ZNF366: variants seen among roughly 807,000 people sequenced by gnomAD.
ZNF366 encodes zinc finger protein 366.
A neutral mutation model predicts 47.2 loss-of-function variants in ZNF366; 20 were observed. The observed-to-expected ratio is 0.42, with a 90% CI of 0.30 to 0.62. ZNF366 has a LOEUF of 0.62. Among genes scored for constraint, ZNF366 ranks in the 20% least tolerant of loss-of-function variants. The pLI, the probability that ZNF366 is intolerant of heterozygous loss-of-function variation, is 0.16. For missense variants in ZNF366, 987 were observed against 976.3 expected (o/e 1.01, Z -0.15); for synonymous variants, 421 against 395.1 (o/e 1.07, Z -0.78).
intron 3 of ZNF366, among the ~76,000 whole-genome samples, chr5:72,450,362 G>C (rs933294083): frequency 6.6e-6 from 1 of 152,126 alleles, no homozygotes; most frequent in Non-Finnish European, 1.5e-5. Context: ...AGGGGTGAGC[G>C]CCTGGTAAAA....
chr5:72,471,702 C>T (rs1743568993), intron 1 of ZNF366, among the ~76,000 whole-genome samples: 1 of 152,210 alleles, frequency 6.6e-6, no homozygotes. Flanking sequence ...GCTATTCAAA[C>T]ACTTGCATTA....
At chr5:72,481,523 C>T (rs1272566703) in intron 1 of ZNF366, among the ~76,000 whole-genome samples, 1 of 152,112 alleles carries the variant, frequency 6.6e-6, no homozygotes, top group African/African-American at 2.4e-5. Flanking sequence ...CTATCATTTC[C>T]TTAGATTAGA....
At chr5:72,456,196 G>A (rs1303178980) in intron 3 of ZNF366, among the ~76,000 whole-genome samples, 3 of 152,166 alleles carry the variant, frequency 2.0e-5, no homozygotes, top group Non-Finnish European at 2.9e-5. Context: ...GACAAATAGG[G>A]CAGGCTCCTT....
At position 72,461,147 on chromosome 5, in the gene ZNF366, G is replaced by C. The variant is rs145676992; in HGVS notation, c.350C>G (p.Pro117Arg). 8.7e-6 allele frequency: 14 copies of C among 1,614,044 alleles called. No individual in the cohort carries two copies. The East Asian group carries it at 2.9e-4, about 33-fold the overall frequency. The change falls in exon 2 of 5, where the codon CCG becomes CGG. Residue 117 changes from proline to arginine, a missense_variant. Physicochemically the swap from Pro to Arg is moderately radical, Grantham distance 103. Transcript: ENST00000318442. Reference protein sequence around the residue: ...HGLPNLPLLFPQPPRPKYDSQ... With the variant: ...HGLPNLPLLFRQPPRPKYDSQ... Reference sequence around the variant, plus strand: ...GTCATACTTGGGGCGCGGGGGCTGCGGGAACAGCAAAGGGAGGTTGGGAAG... The same window carrying C: ...GTCATACTTGGGGCGCGGGGGCTGCCGGAACAGCAAAGGGAGGTTGGGAAG...
chr5:72,487,262 CA>C (rs1270169673), intron 1 of ZNF366, among the ~76,000 whole-genome samples: 1 of 152,172 alleles, frequency 6.6e-6, no homozygotes, highest in Non-Finnish European at 1.5e-5. Flanking sequence ...AAGAGTTTTG[CA>C]ACTTTACACC....
At position 72,456,474 on chromosome 5, in the gene ZNF366, C is replaced by T; in HGVS notation, c.1454G>A (p.Ser485Asn). 4 of 1,613,948 alleles carry T rather than the reference C, an allele frequency of 2.5e-6. No individual in the cohort carries two copies. Among genetic ancestry groups the T allele is most frequent in the Non-Finnish European group, 2.5e-6 (3 of 1,179,842 alleles). ...RAYQCHLCYK[S>N]FVQKQTLKAH... ...CTTGAGGGTCTGCTTCTGCACGAAG[C>T]TCTTGTAGCAGAGGTGACACTGGTA... The change falls in exon 3 of 5, where the codon AGC (serine) becomes AAC (asparagine). Residue 485 changes from serine to asparagine, a missense_variant. Ser to Asn is a conservative substitution (Grantham distance 46, BLOSUM62 1). Coordinates refer to ENST00000318442, the MANE Select transcript of ZNF366 (RefSeq NM_152625.3).
At chr5:72,497,444 T>C (rs533691460) in intron 1 of ZNF366, among the ~76,000 whole-genome samples, 1 of 152,284 alleles carries the variant, frequency 6.6e-6, no homozygotes, top group Non-Finnish European at 1.5e-5. Flanking sequence ...GAACATATAC[T>C]GAGAGTCCAT....
intron 1 of ZNF366, among the ~76,000 whole-genome samples, chr5:72,506,068 T>C (rs1239689378): frequency 6.6e-6 from 1 of 152,266 alleles, no homozygotes; most frequent in Non-Finnish European, 1.5e-5. Flanking sequence ...GATTAATTAC[T>C]TGAATGTGGT....
At chr5:72,497,394 A>G (rs974964787) in intron 1 of ZNF366, among the ~76,000 whole-genome samples, 1 of 152,174 alleles carries the variant, frequency 6.6e-6, no homozygotes, top group Non-Finnish European at 1.5e-5. Context: ...TTTGTTTAAA[A>G]GACTATTTTC....
At chr5:72,467,618 CA>C (rs1256801616) in intron 1 of ZNF366, among the ~76,000 whole-genome samples, 1 of 152,194 alleles carries the variant, frequency 6.6e-6, no homozygotes, top group Non-Finnish European at 1.5e-5. Flanking sequence ...GCCAGCATGC[CA>C]GGGGCAAATC....
At chr5:72,463,090 G>T (rs1743360242) in intron 1 of ZNF366, among the ~76,000 whole-genome samples, 1 of 152,236 alleles carries the variant, frequency 6.6e-6, no homozygotes, top group Non-Finnish European at 1.5e-5. Context: ...TAGCCCTTGG[G>T]ATTGTCTACA....
chr5:72,444,281 C>T lies in ZNF366; in HGVS notation c.1710G>A (p.Arg570=), dbSNP rs1351083990. The change falls in exon 5 of 5, where the codon AGG becomes AGA. Residue 570 remains arginine, a synonymous_variant. Coordinates refer to ENST00000318442, the MANE Select transcript of ZNF366 (RefSeq NM_152625.3). ...CTGTCTGTGCCAGGGCGATTCTCCCCCTTCCCAGACCTGCAAGAGCAGAGT... is the reference window on the plus strand; with the variant it reads ...CTGTCTGTGCCAGGGCGATTCTCCCTCTTCCCAGACCTGCAAGAGCAGAGT... ...ERGLHSQGLG[R]GRIALAQTAG... is the part of the protein sequence containing the mutation. 1 of 1,608,122 alleles carries T rather than the reference C, an allele frequency of 6.2e-7. No individual in the cohort carries two copies. The highest frequency in any genetic ancestry group is 8.5e-7 in the Non-Finnish European group (1 of 1,176,898).
At chr5:72,484,255 C>A (rs1166584076) in intron 1 of ZNF366, among the ~76,000 whole-genome samples, 2 of 151,832 alleles carry the variant, frequency 1.3e-5, no homozygotes, top group African/African-American at 4.8e-5. Flanking sequence ...GAGGCCGAGG[C>A]GGGCGGATCA....
chr5:72,504,746 A>C (rs1036101204), intron 1 of ZNF366, among the ~76,000 whole-genome samples: 6 of 152,044 alleles, frequency 3.9e-5, no homozygotes, highest in African/African-American at 1.4e-4. Flanking sequence ...TTCAGTGTTA[A>C]TATATGACCC....
At chr5:72,496,642 G>A (rs1388832061) in intron 1 of ZNF366, among the ~76,000 whole-genome samples, 1 of 152,186 alleles carries the variant, frequency 6.6e-6, no homozygotes, top group Non-Finnish European at 1.5e-5. Context: ...GTTTTTGAGA[G>A]TAGTTACCCA....
rs912509406 is a variant in ZNF366 at position 72,442,948 on chromosome 5, TCTGCGCCCGGCCC to T, written c.*795_*807del. The T allele has an allele frequency of 1.3e-5, 2 of 152,380 alleles. No homozygotes were observed. Among genetic ancestry groups the T allele is most frequent in the African/African-American group, 4.8e-5 (2 of 41,430 alleles). The allele number at this position is 152,380 out of a possible 1,614,324, so 9.4% of individuals were successfully genotyped here. On this transcript the variant is annotated 3_prime_UTR_variant, in exon 5 of 5. Transcript: ENST00000318442. Reference sequence around the variant, plus strand: ...AGTGCTGGGATTACAGGCGTGAGCCTCTGCGCCCGGCCCCTGCATCTGTCTTATGGGGCATGAG... The same window carrying T: ...AGTGCTGGGATTACAGGCGTGAGCCTCTGCATCTGTCTTATGGGGCATGAG...
chr5:72,454,524 T>G (rs377137349), intron 3 of ZNF366, among the ~76,000 whole-genome samples: 2 of 152,338 alleles, frequency 1.3e-5, no homozygotes, highest in Admixed American at 6.5e-5. Context: ...GTTTTACCAC[T>G]GCTACTGGAC....
intron 1 of ZNF366, among the ~76,000 whole-genome samples, chr5:72,467,584 A>G (rs1368125887): frequency 6.6e-6 from 1 of 152,204 alleles, no homozygotes; most frequent in Non-Finnish European, 1.5e-5. Flanking sequence ...ATTCCAGTAA[A>G]TATTCTTGAA....
At chr5:72,464,731 C>T (rs527587879) in intron 1 of ZNF366, among the ~76,000 whole-genome samples, 1 of 152,218 alleles carries the variant, frequency 6.6e-6, no homozygotes. Context: ...TCTGTGCACA[C>T]TAGAATAAAA....
Sources: gnomAD v4.1 joint callset for allele counts (sites outside exome capture counted in the v4.1 genomes callset) on GRCh38, gnomAD v4.1.1 for gene constraint, MANE v1.5 for transcripts, NCBI Gene and HGNC (gene_info 2026-07-23, HGNC 2026-07-21) for gene names.